Variants in IMMP2L observed in about 807,000 individuals in gnomAD.
The protein encoded by IMMP2L is inner mitochondrial membrane peptidase subunit 2.
In IMMP2L, 18 loss-of-function variants were observed where a neutral mutation model predicts 19.3. The ratio of observed to expected loss-of-function variants is 0.93; its 90% CI spans 0.64 to 1.38. The LOEUF (loss-of-function observed/expected upper bound fraction) is 1.38. IMMP2L is among the 40% of genes most tolerant of loss of function. IMMP2L has a pLI of 0.00. For missense variants in IMMP2L, 233 were observed against 218.2 expected (o/e 1.07, Z -0.43); for synonymous variants, 76 against 73.0 (o/e 1.04, Z -0.21).
In IMMP2L at chr7:111,527,425, G is replaced by C. The variant is rs1056567041; in HGVS notation, c.-2-5976C>G. ...AAACAAGACCCTGTCTCCAAAAAGG[G>C]GGGGGGGGTAGATTTAATATCTAAG... On this transcript the variant is annotated intron_variant, in intron 1 of 5. Transcript: ENST00000405709. Among the ~76,000 whole-genome samples the C allele has an allele frequency of 2.1e-5, 3 of 146,176 alleles. 1 individual carries two copies. The highest frequency in any genetic ancestry group is 1.4e-4 in the Admixed American group (2 of 14,662).
chr7:111,286,727 A>G (rs1820524792), intron 3 of IMMP2L, among the ~76,000 whole-genome samples: 1 of 152,132 alleles, frequency 6.6e-6, no homozygotes, highest in Non-Finnish European at 1.5e-5. Flanking sequence ...ACTTCATGAA[A>G]ACAAAACAGC....
intron 3 of IMMP2L, chr7:111,124,641 G>T: frequency 6.2e-7 from 1 of 1,613,910 alleles, no homozygotes; most frequent in East Asian, 2.2e-5. Flanking sequence ...AGTATGAAAA[G>T]AATAATACCA....
chr7:110,825,207 A>C (rs1803365735), intron 5 of IMMP2L, among the ~76,000 whole-genome samples: 1 of 152,158 alleles, frequency 6.6e-6, no homozygotes, highest in African/African-American at 2.4e-5. Flanking sequence ...AAATGGAAGA[A>C]CATTCCACGC....
intron 3 of IMMP2L, chr7:111,411,794 G>T: frequency 4.9e-6 from 1 of 202,352 alleles, no homozygotes; most frequent in South Asian, 9.6e-5. Context: ...GGGGAATTAT[G>T]AGCCAATCGA....
intron 3 of IMMP2L, among the ~76,000 whole-genome samples, chr7:111,082,661 C>G (rs943954114): frequency 2.0e-5 from 3 of 152,168 alleles, no homozygotes; most frequent in Non-Finnish European, 1.5e-5. Context: ...CATAGGCTCT[C>G]AGTGAGCATT....
At chr7:111,095,962 T>C (rs1797354855) in intron 3 of IMMP2L, among the ~76,000 whole-genome samples, 1 of 151,984 alleles carries the variant, frequency 6.6e-6, no homozygotes, top group Admixed American at 6.6e-5. Flanking sequence ...CAGTAGGCAA[T>C]GATATCTCCT....
chr7:110,866,738 A>C (rs1241363105), intron 5 of IMMP2L, among the ~76,000 whole-genome samples: 1 of 152,132 alleles, frequency 6.6e-6, no homozygotes, highest in African/African-American at 2.4e-5. Flanking sequence ...CTTGAACCCA[A>C]AGGAGTAAAT....
chr7:111,354,292 C>T (rs948414493), intron 3 of IMMP2L, among the ~76,000 whole-genome samples: 1 of 151,880 alleles, frequency 6.6e-6, no homozygotes, highest in Middle Eastern at 3.2e-3. Flanking sequence ...ATATTTACCA[C>T]ATTAACAGAT....
At chr7:111,033,715 G>T (rs1385024809) in intron 3 of IMMP2L, among the ~76,000 whole-genome samples, 1 of 152,122 alleles carries the variant, frequency 6.6e-6, no homozygotes, top group African/African-American at 2.4e-5. Context: ...GCAATCTGAG[G>T]AAGCTACATA....
At chr7:111,279,074 C>T (rs1029350806) in intron 3 of IMMP2L, among the ~76,000 whole-genome samples, 2 of 152,134 alleles carry the variant, frequency 1.3e-5, no homozygotes, top group Non-Finnish European at 1.5e-5. Context: ...TTTTGATAAT[C>T]ACAGACATTG....
intron 3 of IMMP2L, among the ~76,000 whole-genome samples, chr7:111,107,854 A>C (rs1008269882): frequency 6.6e-6 from 1 of 151,998 alleles, no homozygotes; most frequent in Non-Finnish European, 1.5e-5. Flanking sequence ...AATATTATAG[A>C]CTCTAGCATG....
intron 3 of IMMP2L, among the ~76,000 whole-genome samples, chr7:111,034,867 A>G (rs1382258491): frequency 6.6e-6 from 1 of 152,158 alleles, no homozygotes; most frequent in Admixed American, 6.5e-5. Flanking sequence ...AGCACCTACA[A>G]CAATACTTAA....
intron 3 of IMMP2L, among the ~76,000 whole-genome samples, chr7:110,964,022 C>T (rs890307551): frequency 2.8e-4 from 41 of 147,142 alleles, no homozygotes; most frequent in African/African-American, 8.9e-4. Context: ...GTTGTTCTCA[C>T]GAGATTTTAT....
At chr7:111,190,745 T>C (rs1041652618) in intron 3 of IMMP2L, among the ~76,000 whole-genome samples, 2 of 152,184 alleles carry the variant, frequency 1.3e-5, no homozygotes, top group Admixed American at 1.3e-4. Flanking sequence ...ATTGCTTATC[T>C]ATATAAAACA....
At chr7:110,930,298 T>G (rs1815325369) in intron 4 of IMMP2L, among the ~76,000 whole-genome samples, 1 of 150,800 alleles carries the variant, frequency 6.6e-6, no homozygotes, top group Non-Finnish European at 1.5e-5. Context: ...TTTTGGACAA[T>G]AGTAAACCTT....
At chr7:110,804,867 T>G (rs910903420) in intron 5 of IMMP2L, among the ~76,000 whole-genome samples, 3 of 152,140 alleles carry the variant, frequency 2.0e-5, no homozygotes, top group African/African-American at 4.8e-5. Context: ...AGGGCTACCC[T>G]GCAGTCTAAG....
At chr7:110,667,236 T>G (rs991126150) in intron 5 of IMMP2L, among the ~76,000 whole-genome samples, 4 of 152,236 alleles carry the variant, frequency 2.6e-5, no homozygotes, top group African/African-American at 9.6e-5. Context: ...GTAGGCTTAT[T>G]TGTTTCTATT....
In IMMP2L at chr7:111,240,443, C is replaced by A. The variant is rs145016104; in HGVS notation, c.239+246795G>T. ...ACACAGTCAATTTTTAAAGGAAGAA[C>A]AGAAACTGCAGTCAATTATTAGATA... On this transcript the variant is annotated intron_variant, in intron 3 of 5. Coordinates refer to ENST00000405709, the MANE Select transcript of IMMP2L (RefSeq NM_032549.4). Among the ~76,000 whole-genome samples the A allele has an allele frequency of 1.0e-3, 156 of 152,012 alleles. 1 individual carries two copies. Among genetic ancestry groups the A allele is most frequent in the African/African-American group, 3.5e-3 (147 of 41,518 alleles).
chr7:111,006,887 T>C (rs762385364), intron 3 of IMMP2L, among the ~76,000 whole-genome samples: 21 of 152,188 alleles, frequency 1.4e-4, no homozygotes, highest in Non-Finnish European at 2.5e-4. Flanking sequence ...ATCATTCACA[T>C]ATATTCATAT....
Sources: allele counts gnomAD v4.1 joint callset (sites outside exome capture counted in the v4.1 genomes callset), GRCh38; gene constraint gnomAD v4.1.1; transcripts MANE v1.5; gene names NCBI Gene and HGNC (gene_info 2026-07-23, HGNC 2026-07-21).